The following MCM6 variants were observed in gnomAD, a reference collection of about 807,000 sequenced individuals.
MCM6 encodes the protein minichromosome maintenance complex component 6.
In MCM6, 46 loss-of-function variants were observed where a neutral mutation model predicts 94.3. The ratio of observed to expected loss-of-function variants is 0.49; its 90% confidence interval spans 0.39 to 0.62. The LOEUF is 0.62. MCM6 is among the 20% of genes least tolerant of loss of function. The pLI is 0.00. For synonymous variants in MCM6, 335 were observed against 351.9 expected (o/e 0.95, Z 0.54); for missense variants, 865 against 1,017.9 (o/e 0.85, Z 2.04).
At position 135,839,762 on chromosome 2, in the gene MCM6, T is replaced by C. The variant is rs1286684623; in HGVS notation, c.*1073A>G. The stretch of plus-strand genomic sequence containing the variant: ...GGAGAAACATATTTAAATCATTGTT[T>C]TAACCTATATTAATCTGTCTTGCTT... On this transcript the variant is annotated 3_prime_UTR_variant, in exon 17 of 17. Coordinates refer to ENST00000264156, the MANE Select transcript of MCM6 (RefSeq NM_005915.6). The C allele has an allele frequency of 6.6e-6, 1 of 152,252 alleles. No individual in the cohort carries two copies. Among genetic ancestry groups the C allele is most frequent in the Admixed American group, 6.5e-5 (1 of 15,284 alleles). The allele number at this position is 152,252 out of a possible 1,614,324, so 9.4% of individuals were successfully genotyped here. A position where few individuals can be genotyped will look rare whatever the true frequency, so the allele number is the denominator to read the frequency against.
At position 135,862,615 on chromosome 2, in the gene MCM6, T is replaced by C. The variant is rs746465109; in HGVS notation, c.1212A>G (p.Gln404=). The part of the protein sequence containing the change: ...IVGDPSTAKS[Q]FLKHVEEFSP... ...ATCAGGCAAACGCTTACTTGAGAAATTGGCTCTTAGCTGTACTTGGGTCAC... is the reference window on the plus strand; with the variant it reads ...ATCAGGCAAACGCTTACTTGAGAAACTGGCTCTTAGCTGTACTTGGGTCAC... Residue 404 remains glutamine, a synonymous_variant, in exon 8 of 17, where the codon CAA becomes CAG. Transcript: ENST00000264156. The C allele has an allele frequency of 6.2e-7, 1 of 1,614,004 alleles. No individual in the cohort carries two copies. The highest frequency in any genetic ancestry group is 2.2e-5 in the East Asian group (1 of 44,884).
intron 14 of MCM6, among the ~76,000 whole-genome samples, chr2:135,846,861 G>A (rs1157560248): frequency 6.6e-6 from 1 of 151,994 alleles, no homozygotes; most frequent in Non-Finnish European, 1.5e-5. Flanking sequence ...AAAATTAGCT[G>A]GGTGTGGTGG....
intron 11 of MCM6, among the ~76,000 whole-genome samples, chr2:135,855,611 A>C (rs1679858824): frequency 6.6e-6 from 1 of 152,180 alleles, no homozygotes; most frequent in Non-Finnish European, 1.5e-5. Flanking sequence ...GGCTGCAGTG[A>C]GCTATGACTG....
At chr2:135,843,667 T>G (rs1434472662) in intron 16 of MCM6, among the ~76,000 whole-genome samples, 1 of 132,612 alleles carries the variant, frequency 7.5e-6, no homozygotes, top group African/African-American at 2.9e-5. Flanking sequence ...ACCCAGGAGG[T>G]GGAAGCTGCA....
chr2:135,868,388 T>C (rs1680139682), intron 4 of MCM6, among the ~76,000 whole-genome samples: 1 of 152,238 alleles, frequency 6.6e-6, no homozygotes, highest in African/African-American at 2.4e-5. Flanking sequence ...ATACATCTTG[T>C]CAGTCTTAAG....
intron 1 of MCM6, among the ~76,000 whole-genome samples, chr2:135,875,040 C>G (rs1211610204): frequency 6.6e-6 from 1 of 151,966 alleles, no homozygotes; most frequent in Non-Finnish European, 1.5e-5. Flanking sequence ...GAGGAGAGTT[C>G]GTGTTTAATG....
chr2:135,844,562 G>A lies in MCM6; in HGVS notation c.2332C>T (p.His778Tyr), dbSNP rs1332206140. Reference protein sequence around the residue: ...NKKRIIEKVIHRLTHYDHVLI... With the variant: ...NKKRIIEKVIYRLTHYDHVLI... ...GCACCTACATAGTGTGTGAGTCGATGAATAACTTTCTCTATGATTCTTTTT... is the reference window on the plus strand; with the variant it reads ...GCACCTACATAGTGTGTGAGTCGATAAATAACTTTCTCTATGATTCTTTTT... Residue 778 changes from histidine (H) to tyrosine (Y), a missense_variant, in exon 16 of 17, where the codon CAT becomes TAT. Transcript: ENST00000264156. 1.3e-6 allele frequency: 2 copies of A among 1,573,348 alleles called. No homozygotes were observed. The highest frequency in any genetic ancestry group is 1.7e-6 in the Non-Finnish European group (2 of 1,162,302).
rs374533979 is a variant in MCM6 at position 135,851,505 on chromosome 2, T to C, written c.1814A>G (p.Asp605Gly). 6.2e-7 allele frequency: 1 copy of C among 1,613,256 alleles called. No individual in the cohort carries two copies. Among genetic ancestry groups the C allele is most frequent in the Non-Finnish European group, 8.5e-7 (1 of 1,179,726 alleles). The change falls in exon 13 of 17, where the codon GAT becomes GGT. Residue 605 changes from aspartate (D) to glycine (G), a missense_variant. Physicochemically the swap from Asp to Gly is moderately conservative, Grantham distance 94. Transcript: ENST00000264156. Reference sequence around the variant, plus strand: ...TGAAGACTTGGTCACTCCAGAACCATCTCTCTGGCGGAGATGTTTATATTG... The same window carrying C: ...TGAAGACTTGGTCACTCCAGAACCACCTCTCTGGCGGAGATGTTTATATTG... ...VEQYKHLRQR[D>G]GSGVTKSSWR...
Position 135,851,421 on chromosome 2 carries a change from C to A in MCM6, c.1898G>T (p.Arg633Leu). 1 of 1,612,686 alleles carries A rather than the reference C, an allele frequency of 6.2e-7. No individual in the cohort carries two copies. Among genetic ancestry groups the A allele is most frequent in the Non-Finnish European group, 8.5e-7 (1 of 1,179,516 alleles). Residue 633 changes from arginine (R) to leucine (L), a missense_variant, in exon 13 of 17, where the codon CGG becomes CTG. Arg to Leu is a moderately radical substitution (Grantham distance 102). Around this residue, in one of 3 missense-constraint regions of MCM6, gnomAD observed 308 missense variants for 324.5 expected, o/e 0.95. Coordinates refer to ENST00000264156, the MANE Select transcript of MCM6 (RefSeq NM_005915.6). ...TGATACCTCATCACAGCAGTGCATC[C>A]GAGCCATAGCTTCAGAGAGACGAAT... The part of the protein sequence containing the change: ...SMIRLSEAMA[R>L]MHCCDEVQPK...
chr2:135,852,235 C>G (rs1679791434), intron 12 of MCM6, among the ~76,000 whole-genome samples: 1 of 152,094 alleles, frequency 6.6e-6, no homozygotes, highest in Non-Finnish European at 1.5e-5. Context: ...GTCAAGTTAG[C>G]CAACAGTGTG....
Position 135,840,789 on chromosome 2 carries a change from G to A in MCM6, c.*46C>T. The A allele has an allele frequency of 7.5e-7, 1 of 1,331,802 alleles. No homozygotes were observed. The highest frequency in any genetic ancestry group is 1.1e-6 in the Non-Finnish European group (1 of 923,348). 82.5% of individuals were successfully genotyped at this position (1,331,802 alleles called of 1,614,324 possible). On this transcript the variant is annotated 3_prime_UTR_variant, in exon 17 of 17. Coordinates refer to ENST00000264156, the MANE Select transcript of MCM6 (RefSeq NM_005915.6). ...CTCCAGCCAGGCTCCAGGCCACGAG[G>A]TGCTGTGCCACAGTTCCTCAGCTCT...
Position 135,858,325 on chromosome 2 carries a change from G to A in MCM6, c.1363-321C>T, listed in dbSNP as rs4988206. Among the ~76,000 whole-genome samples, 56 of 152,044 alleles carry A rather than the reference G, an allele frequency of 3.7e-4. No homozygotes were observed. The East Asian group carries it at 7.4e-3, about 20-fold the overall frequency. ...AACATGGTGAAACCCCGTCTCTACT[G>A]AAAATACAAAAATTAGCCAGGTGTG... is the stretch of plus-strand genomic sequence containing the variant. On this transcript the variant is annotated intron_variant, in intron 9 of 16. Transcript: ENST00000264156.
intron 13 of MCM6, among the ~76,000 whole-genome samples, chr2:135,849,506 G>A (rs1679731848): frequency 6.6e-6 from 1 of 152,162 alleles, no homozygotes; most frequent in Admixed American, 6.6e-5. Flanking sequence ...TAAATAGAAT[G>A]TTATACTGAT....
chr2:135,863,061 A>G (rs1680025865), intron 7 of MCM6, among the ~76,000 whole-genome samples: 1 of 152,136 alleles, frequency 6.6e-6, no homozygotes, highest in Non-Finnish European at 1.5e-5. Flanking sequence ...TTAGCCCTCA[A>G]AGATCTCTCC....
At chr2:135,865,214 A>G in intron 6 of MCM6, 51 bp from the exon 7 acceptor site, 2 of 1,281,840 alleles carry the variant, frequency 1.6e-6, no homozygotes, top group Non-Finnish European at 2.0e-6. Flanking sequence ...CAGTCAAAAG[A>G]GCATAAAGGA....
Position 135,866,620 on chromosome 2 carries a change from A to G in MCM6, c.724T>C (p.Cys242Arg). Residue 242 changes from cysteine to arginine, a missense_variant, in exon 5 of 17, where the codon TGT (cysteine) becomes CGT (arginine). Around this residue, in one of 3 missense-constraint regions of MCM6, gnomAD observed 404 missense variants for 451.9 expected, o/e 0.89. Transcript: ENST00000264156. Reference sequence around the variant, plus strand: ...ACAATCAGTGTCCCTGTAAAGTCACACTTGTCACCAGCTTGAGCTGATTCC... The same window carrying G: ...ACAATCAGTGTCCCTGTAAAGTCACGCTTGTCACCAGCTTGAGCTGATTCC... ...AVESAQAGDK[C>R]DFTGTLIVVP... is the part of the protein sequence containing the mutation. 6.2e-7 allele frequency: 1 copy of G among 1,614,194 alleles called. No individual in the cohort carries two copies. The highest frequency in any genetic ancestry group is 8.5e-7 in the Non-Finnish European group (1 of 1,180,026).
At chr2:135,850,452 T>G (rs942062010) in intron 13 of MCM6, among the ~76,000 whole-genome samples, 2 of 152,162 alleles carry the variant, frequency 1.3e-5, no homozygotes, top group African/African-American at 4.8e-5. Flanking sequence ...CCCACCAGAT[T>G]AGCAGCAATG....
At chr2:135,873,056 G>A (rs1354108581) in intron 1 of MCM6, among the ~76,000 whole-genome samples, 1 of 152,146 alleles carries the variant, frequency 6.6e-6, no homozygotes, top group Non-Finnish European at 1.5e-5. Flanking sequence ...TGTTGTGGGA[G>A]GCACCTGGTG....
chr2:135,869,129 G>A (rs1680154950), intron 3 of MCM6, among the ~76,000 whole-genome samples: 1 of 152,088 alleles, frequency 6.6e-6, no homozygotes, highest in Non-Finnish European at 1.5e-5. Flanking sequence ...CGGGCTGGGC[G>A]CAGTGACTCA....
Sources: allele counts gnomAD v4.1 joint callset (sites outside exome capture counted in the v4.1 genomes callset), GRCh38; gene constraint gnomAD v4.1.1; regional missense constraint gnomAD v4.1.1; transcripts MANE v1.5; gene names NCBI Gene and HGNC (gene_info 2026-07-23, HGNC 2026-07-21).